TBC1D16: variants seen among roughly 807,000 people sequenced by gnomAD.
The protein encoded by TBC1D16 is CTD-2529O21.1.
TBC1D16 carries 58 observed loss-of-function variants against 74.7 expected under a neutral mutation model. The ratio of observed to expected loss-of-function variants is 0.78; its 90% CI spans 0.63 to 0.97. The LOEUF is 0.97. Ranked by LOEUF, TBC1D16 falls within the 50% of genes least tolerant of loss-of-function variation. The probability of loss-of-function intolerance (pLI) is 0.00; values close to 1 mark genes in which losing one functional copy is unlikely to be tolerated. For missense variants in TBC1D16, 1,014 were observed against 1,079.5 expected (o/e 0.94, Z 0.85); for synonymous variants, 493 against 474.7 (o/e 1.04, Z -0.50).
intron 3 of TBC1D16, among the ~76,000 whole-genome samples, chr17:79,977,023 T>G (rs940005855): frequency 1.4e-4 from 21 of 152,282 alleles, no homozygotes; most frequent in African/African-American, 5.1e-4. Flanking sequence ...GTCAGGAGCC[T>G]CTGGCAGGAG....
At position 79,956,376 on chromosome 17, in the gene TBC1D16, C is replaced by T. The variant is rs981006166; in HGVS notation, c.780-3558G>A. On this transcript the variant is annotated intron_variant, in intron 3 of 11. Transcript: ENST00000310924. The surrounding 1 kb of genome is among the most constrained non-coding windows in gnomAD (Gnocchi z 4.0). ...TCAAGCGATCCTCCAGCCTCAGTCT[C>T]CCAAGTAGCTGGGACTACAGGCACT... Among the ~76,000 whole-genome samples, 1 of 152,248 alleles carries T rather than the reference C, an allele frequency of 6.6e-6. No individual in the cohort carries two copies. The highest frequency in any genetic ancestry group is 1.5e-5 in the Non-Finnish European group (1 of 68,038).
At chr17:79,952,988 C>G in intron 3 of TBC1D16, 170 bp from the exon 4 acceptor site, 1 of 635,338 alleles carries the variant, frequency 1.6e-6, no homozygotes, top group Non-Finnish European at 2.5e-6. Context: ...AATGTATGAA[C>G]CCCACTGCAC....
intron 3 of TBC1D16, among the ~76,000 whole-genome samples, chr17:80,006,189 G>A (rs186425008): frequency 1.3e-5 from 2 of 151,652 alleles, no homozygotes; most frequent in Admixed American, 1.3e-4. Flanking sequence ...GAGCGCTCTC[G>A]CTCTCTCTCG....
rs2144601015 is a variant in TBC1D16 at position 80,001,956 on chromosome 17, C to A, written c.779+8204G>T. Among the ~76,000 whole-genome samples, 1 of 152,268 alleles carries A rather than the reference C, an allele frequency of 6.6e-6. No individual in the cohort carries two copies. The highest frequency in any genetic ancestry group is 2.1e-4 in the South Asian group (1 of 4,822). ...CGCCCCGGAACAAAGACGGGAAGGG[C>A]AAAGTGTGTCCTGATTCGTGTGCCA... On this transcript the variant is annotated intron_variant, in intron 3 of 11. Transcript: ENST00000310924. This position sits in a 1 kb window ranked among gnomAD's most constrained non-coding sequence, Gnocchi z 5.8.
Position 79,938,554 on chromosome 17 carries a change from G to A in TBC1D16, c.*2305C>T, listed in dbSNP as rs895984704. On this transcript the variant is annotated 3_prime_UTR_variant, in exon 12 of 12. Transcript: ENST00000310924. ...AAAGGCACGAGGTATCTAGTGAAAT[G>A]CTAGGACCAGGGACGCTATTCCCCT... 6.6e-6 allele frequency: 1 copy of A among 152,324 alleles called. No homozygotes were observed. The highest frequency in any genetic ancestry group is 2.4e-5 in the African/African-American group (1 of 41,444). The allele number at this position is 152,324 out of a possible 1,614,324, so 9.4% of individuals were successfully genotyped here.
intron 3 of TBC1D16, among the ~76,000 whole-genome samples, chr17:79,991,724 G>C (rs1023694353): frequency 2.7e-5 from 4 of 149,676 alleles, no homozygotes; most frequent in Admixed American, 2.0e-4. Context: ...GGGGCGGGGA[G>C]GGGGAGGGCG....
At chr17:80,032,139 T>C (rs1350501400) in intron 1 of TBC1D16, among the ~76,000 whole-genome samples, 1 of 152,226 alleles carries the variant, frequency 6.6e-6, no homozygotes, top group Non-Finnish European at 1.5e-5. Context: ...AGTACACGAC[T>C]GAAGTGTGCA....
At chr17:79,949,684 G>C (rs8069563) in intron 7 of TBC1D16, 33 bp downstream of exon 7, 1 of 1,582,074 alleles carries the variant, frequency 6.3e-7, no homozygotes, top group African/African-American at 1.4e-5. Flanking sequence ...TCCGCGGCTC[G>C]GCGGGGTGGG....
intron 3 of TBC1D16, among the ~76,000 whole-genome samples, chr17:79,964,042 C>G (rs2033737739): frequency 6.6e-6 from 1 of 152,176 alleles, no homozygotes; most frequent in African/African-American, 2.4e-5. Context: ...GTGGCATGAT[C>G]TTGGCTGACA....
At chr17:80,025,041 TGACACAACC>T in intron 1 of TBC1D16, among the ~76,000 whole-genome samples, 4 of 44,918 alleles carry the variant, frequency 8.9e-5, no homozygotes, top group African/African-American at 1.1e-4. Context: ...ACACATACCA[TGACACAACC>T]AGGCACACAC....
At chr17:79,942,979 G>A (rs35641054) in intron 10 of TBC1D16, among the ~76,000 whole-genome samples, 21,966 of 152,302 alleles carry the variant, frequency 0.14, 1,674 homozygotes, top group Non-Finnish European at 0.18. Flanking sequence ...CGGCCTGGCC[G>A]CCTCAAGACA....
intron 1 of TBC1D16, among the ~76,000 whole-genome samples, chr17:80,017,680 CA>C (rs57336950): frequency 0.5 from 41,857 of 83,984 alleles, 7,828 homozygotes; most frequent in Admixed American, 0.6. Context: ...GACTCCATCT[CA>C]AAAAAAAAAA....
chr17:79,950,535 C>T lies in TBC1D16; in HGVS notation c.1133G>A (p.Arg378His), dbSNP rs2032971154. 2 of 1,612,936 alleles carry T rather than the reference C, an allele frequency of 1.2e-6. No individual in the cohort carries two copies. Among genetic ancestry groups the T allele is most frequent in the Admixed American group, 1.7e-5 (1 of 59,926 alleles). The change falls in exon 6 of 12, where the codon CGC (arginine) becomes CAC (histidine). Residue 378 changes from arginine to histidine, a missense_variant. Arg to His is a conservative substitution (Grantham distance 29). Transcript: ENST00000310924. This position sits in a 1 kb window ranked among gnomAD's most constrained non-coding sequence, Gnocchi z 4.6. ...DKTCMQFSIR[R>H]PKLPSSETHP... ...CGTCTCGGAGGACGGCAGCTTGGGG[C>T]GGCGGATGGAGAACTGCATGCATGT...
rs2035742313 is a variant in TBC1D16 at position 80,008,008 on chromosome 17, C to A, written c.779+2152G>T. Among the ~76,000 whole-genome samples, 1 of 151,324 alleles carries A rather than the reference C, an allele frequency of 6.6e-6. No homozygotes were observed. On this transcript the variant is annotated intron_variant, in intron 3 of 11. Transcript: ENST00000310924. This position sits in a 1 kb window ranked among gnomAD's most constrained non-coding sequence, Gnocchi z 4.5. ...GCCCACTGATGCCAATACATCCCCA[C>A]CCTCAGTTGTGATAAAAAAAAAAAA...
chr17:79,960,781 A>AC (rs1410229858), intron 3 of TBC1D16, among the ~76,000 whole-genome samples: 7 of 93,566 alleles, frequency 7.5e-5, no homozygotes, highest in African/African-American at 4.0e-4. Context: ...CAAAAACCCA[A>AC]AAAAAAAAAA....
At chr17:80,028,805 G>A (rs28515589) in intron 1 of TBC1D16, among the ~76,000 whole-genome samples, 8,638 of 151,632 alleles carry the variant, frequency 0.057, 767 homozygotes, top group African/African-American at 0.2. Context: ...GTATAGACGG[G>A]GTTTCACCAT....
chr17:79,989,454 A>G (rs994043376), intron 3 of TBC1D16, among the ~76,000 whole-genome samples: 2 of 152,184 alleles, frequency 1.3e-5, no homozygotes, highest in African/African-American at 2.4e-5. Context: ...GGCTCCCACA[A>G]AAACACTGTG....
rs1203107004 is a variant in TBC1D16 at position 79,935,160 on chromosome 17, T to C, written c.*5699A>G. ...CAGAGCCCCGGCAGCCAAGGCTCAA[T>C]AAAATACTGTTTGTGTTTCCAGGCA... On this transcript the variant is annotated 3_prime_UTR_variant, in exon 12 of 12. Transcript: ENST00000310924. 6.6e-6 allele frequency: 1 copy of C among 152,262 alleles called. No individual in the cohort carries two copies. Among genetic ancestry groups the C allele is most frequent in the East Asian group, 1.9e-4 (1 of 5,196 alleles). The allele number at this position is 152,262 out of a possible 1,614,324, so 9.4% of individuals were successfully genotyped here. A position where few individuals can be genotyped will look rare whatever the true frequency, so the allele number is the denominator to read the frequency against.
rs34982856 is a variant in TBC1D16, at chr17:79,994,284, CG to C, written c.779+15875del. On this transcript the variant is annotated intron_variant, in intron 3 of 11. Coordinates refer to ENST00000310924, the MANE Select transcript of TBC1D16 (RefSeq NM_019020.4). The surrounding 1 kb of genome is among the most constrained non-coding windows in gnomAD (Gnocchi z 4.6). ...GACTTCTAGAATCCCAGCTCAGGGC[CG>C]GGGGGGTGCCAGGGCTGTGAACCCC... 1.3e-5 allele frequency among the ~76,000 whole-genome samples: 2 copies of C among 151,690 alleles called. No homozygotes were observed. The highest frequency in any genetic ancestry group is 2.4e-5 in the African/African-American group (1 of 41,308).
Sources: gnomAD v4.1 joint callset for allele counts (sites outside exome capture counted in the v4.1 genomes callset) on GRCh38, gnomAD v4.1.1 for gene constraint, Gnocchi (gnomAD v3.1) non-coding constraint, MANE v1.5 for transcripts, NCBI Gene and HGNC (gene_info 2026-07-23, HGNC 2026-07-21) for gene names.